Variants in SUMO2 observed in about 807,000 individuals in gnomAD.
The protein encoded by SUMO2 is small ubiquitin like modifier 2.
A neutral mutation model predicts 16.0 loss-of-function variants in SUMO2; 1 was observed. The ratio of observed to expected loss-of-function variants is 0.06; its 90% confidence interval spans 0.02 to 0.30. The LOEUF (loss-of-function observed/expected upper bound fraction) is 0.30. SUMO2 is among the 10% of genes least tolerant of loss of function. The pLI, the probability that SUMO2 is intolerant of heterozygous loss-of-function variation, is 1.00. For synonymous variants in SUMO2, 36 were observed against 40.6 expected (o/e 0.89, Z 0.43); for missense variants, 16 against 117.5 (o/e 0.14, Z 3.99).
Position 75,182,956 on chromosome 17 carries a change from A to T in SUMO2, c.-122T>A, listed in dbSNP as rs1427379450. On this transcript the variant is annotated 5_prime_UTR_variant, in exon 1 of 4. Transcript: ENST00000420826. ...GGAGGCGGCAGCGGTGGACGAGGGG[A>T]GAGGGTGCGCGCACGTCGTGCGCTC... The T allele has an allele frequency of 1.2e-6, 1 of 850,442 alleles. No homozygotes were observed. The highest frequency in any genetic ancestry group is 1.6e-6 in the Non-Finnish European group (1 of 627,158). The allele number at this position is 850,442 out of a possible 1,614,324, so 52.7% of individuals were successfully genotyped here.
intron 3 of SUMO2, among the ~76,000 whole-genome samples, chr17:75,170,868 A>G (rs1273332955): frequency 6.6e-6 from 1 of 151,768 alleles, no homozygotes; most frequent in South Asian, 2.1e-4. Flanking sequence ...AAAAAAAAAA[A>G]ACCCAAATTA....
Position 75,182,955 on chromosome 17 carries a change from GA to G in SUMO2, c.-122del. 1.2e-6 allele frequency: 1 copy of G among 854,882 alleles called. No homozygotes were observed. The highest frequency in any genetic ancestry group is 1.6e-6 in the Non-Finnish European group (1 of 630,998). 53.0% of individuals were successfully genotyped at this position (854,882 alleles called of 1,614,324 possible). A position where few individuals can be genotyped will look rare whatever the true frequency, so the allele number is the denominator to read the frequency against. ...AGGAGGCGGCAGCGGTGGACGAGGG[GA>G]GAGGGTGCGCGCACGTCGTGCGCTC... On this transcript the variant is annotated 5_prime_UTR_variant, in exon 1 of 4. Transcript: ENST00000420826.
chr17:75,173,847 AAG>A (rs199820776), intron 3 of SUMO2, among the ~76,000 whole-genome samples: 2,710 of 152,272 alleles, frequency 0.018, 42 homozygotes, highest in Non-Finnish European at 0.028. Context: ...AAAAGAAACA[AAG>A]AGCTTCTGCC....
chr17:75,167,031 T>TG lies in SUMO2; in HGVS notation c.*1307dup. ...GATATTTTCTGTCCCTCAATATTCT[T>TG]GAATAGGCCAGGCGTGGTGGCTCAT... is the stretch of plus-strand genomic sequence containing the variant. On this transcript the variant is annotated 3_prime_UTR_variant, in exon 4 of 4. Transcript: ENST00000420826. 1 of 151,194 alleles carries TG rather than the reference T, an allele frequency of 6.6e-6. No homozygotes were observed. Among genetic ancestry groups the TG allele is most frequent in the East Asian group, 1.9e-4 (1 of 5,168 alleles). 9.4% of individuals were successfully genotyped at this position (151,194 alleles called of 1,614,324 possible).
intron 2 of SUMO2, among the ~76,000 whole-genome samples, chr17:75,177,614 G>A (rs1366300556): frequency 2.0e-5 from 3 of 151,808 alleles, no homozygotes; most frequent in South Asian, 2.1e-4. Context: ...CCTGGGAGGC[G>A]GAGGTTCCAG....
chr17:75,172,305 C>T (rs1032151094), intron 3 of SUMO2, among the ~76,000 whole-genome samples: 1 of 145,600 alleles, frequency 6.9e-6, no homozygotes, highest in Non-Finnish European at 1.5e-5. Flanking sequence ...GGATTACAGT[C>T]GTGAGCTACT....
At chr17:75,170,816 C>T (rs1391854342) in intron 3 of SUMO2, among the ~76,000 whole-genome samples, 2 of 148,576 alleles carry the variant, frequency 1.3e-5, no homozygotes, top group Non-Finnish European at 3.0e-5. Flanking sequence ...CGCCACTGCA[C>T]TCCAGCCTGG....
chr17:75,178,384 C>T (rs552260595), intron 2 of SUMO2, among the ~76,000 whole-genome samples: 27 of 150,996 alleles, frequency 1.8e-4, no homozygotes, highest in Admixed American at 3.3e-4. Flanking sequence ...CACGGTGGCA[C>T]GCACCTGTAG....
chr17:75,173,187 A>G (rs1319174905), intron 3 of SUMO2, among the ~76,000 whole-genome samples: 1 of 152,158 alleles, frequency 6.6e-6, no homozygotes, highest in Non-Finnish European at 1.5e-5. Context: ...TTTTTGAGAC[A>G]GAGTTTTGCT....
chr17:75,171,520 T>TA (rs1244144489), intron 3 of SUMO2, among the ~76,000 whole-genome samples: 5 of 150,968 alleles, frequency 3.3e-5, no homozygotes, highest in Non-Finnish European at 1.5e-5. Context: ...TCTCGAAAAA[T>TA]AAAAAAATAA....
chr17:75,174,646 A>C (rs1251952746), intron 3 of SUMO2, 106 bp downstream of exon 3: 1 of 1,016,872 alleles, frequency 9.8e-7, no homozygotes, highest in East Asian at 2.7e-5. Context: ...AAAGCTCTGA[A>C]CTCTACAAGA....
chr17:75,176,066 A>T (rs1471109001), intron 2 of SUMO2, among the ~76,000 whole-genome samples: 2 of 151,636 alleles, frequency 1.3e-5, no homozygotes, highest in African/African-American at 4.8e-5. Flanking sequence ...TTTTAAATGG[A>T]GTCTCGCTCT....
chr17:75,182,772 C>T (rs886631351), intron 1 of SUMO2, 42 bp downstream of exon 1: 3 of 1,316,444 alleles, frequency 2.3e-6, no homozygotes, highest in African/African-American at 1.5e-5. Flanking sequence ...GCGCCATGAC[C>T]CCCACCGCGC....
intron 3 of SUMO2, among the ~76,000 whole-genome samples, chr17:75,170,757 G>A (rs2074731340): frequency 6.6e-6 from 1 of 151,328 alleles, no homozygotes; most frequent in South Asian, 2.1e-4. Context: ...GGCTGAGGCA[G>A]GAGAATCACT....
intron 2 of SUMO2, 38 bp from the exon 3 acceptor site, chr17:75,174,861 G>A (rs200988530): frequency 7.1e-5 from 111 of 1,564,804 alleles, no homozygotes; most frequent in Non-Finnish European, 9.3e-5. Context: ...AGCATTAAGA[G>A]AAACAGAATT....
chr17:75,174,360 A>G (rs1219087101), intron 3 of SUMO2, among the ~76,000 whole-genome samples: 4 of 152,078 alleles, frequency 2.6e-5, no homozygotes, highest in African/African-American at 9.7e-5. Flanking sequence ...CACTGTACTC[A>G]AGCCTGGGCG....
At chr17:75,181,990 C>T (rs1298962608) in intron 1 of SUMO2, among the ~76,000 whole-genome samples, 1 of 151,822 alleles carries the variant, frequency 6.6e-6, no homozygotes. Context: ...GGGGTGCCAC[C>T]AAACTAAAAG....
chr17:75,182,075 C>G (rs564599914), intron 1 of SUMO2, among the ~76,000 whole-genome samples: 1 of 152,270 alleles, frequency 6.6e-6, no homozygotes, highest in African/African-American at 2.4e-5. Context: ...TCAAAAGCCG[C>G]GTTCAAAAGT....
chr17:75,166,136 A>AG lies in SUMO2; in HGVS notation c.*2202dup, dbSNP rs1568043696. On this transcript the variant is annotated 3_prime_UTR_variant, in exon 4 of 4. Transcript: ENST00000420826. ...ACAAGGGACTGAGGCCAGAAGTTCG[A>AG]GACCAAACTGGTCAACATGGTGAGA... 2 of 152,164 alleles carry AG rather than the reference A, an allele frequency of 1.3e-5. No homozygotes were observed. The highest frequency in any genetic ancestry group is 2.9e-5 in the Non-Finnish European group (2 of 68,080). The allele number at this position is 152,164 out of a possible 1,614,324, so 9.4% of individuals were successfully genotyped here.
Sources: allele counts gnomAD v4.1 joint callset (sites outside exome capture counted in the v4.1 genomes callset), GRCh38; gene constraint gnomAD v4.1.1; transcripts MANE v1.5; gene names NCBI Gene and HGNC (gene_info 2026-07-23, HGNC 2026-07-21).